The following TINAG variants were observed in gnomAD, a reference collection of about 807,000 sequenced individuals.
TINAG encodes tubulointerstitial nephritis antigen.
TINAG carries 83 observed loss-of-function variants against 72.7 expected under a neutral mutation model. The ratio of observed to expected loss-of-function variants is 1.14; its 90% CI spans 0.96 to 1.37. The LOEUF (loss-of-function observed/expected upper bound fraction) is 1.37, where lower values mean the gene tolerates loss of function less well. TINAG is among the 40% of genes most tolerant of loss of function. TINAG has a pLI of 0.00. For synonymous variants in TINAG, 234 were observed against 189.9 expected, an observed-to-expected ratio of 1.23 and a Z score of -1.91; for missense variants, 685 against 576.6, an observed-to-expected ratio of 1.19 and a Z score of -1.93.
At chr6:54,371,265 G>C (rs1763597955) in intron 9 of TINAG, among the ~76,000 whole-genome samples, 1 of 151,970 alleles carries the variant, frequency 6.6e-6, no homozygotes, top group Non-Finnish European at 1.5e-5. Flanking sequence ...TGCTAGTTCT[G>C]TCCTCGCTGG....
At chr6:54,346,708 C>T (rs951709706) in intron 5 of TINAG, among the ~76,000 whole-genome samples, 4 of 151,684 alleles carry the variant, frequency 2.6e-5, no homozygotes, top group African/African-American at 9.7e-5. Flanking sequence ...TCTACTAAAA[C>T]AAGATTAAGA....
chr6:54,340,060 T>G (rs1784961114), intron 4 of TINAG, among the ~76,000 whole-genome samples: 1 of 152,206 alleles, frequency 6.6e-6, no homozygotes, highest in Admixed American at 6.5e-5. Flanking sequence ...GATTTTAATT[T>G]AATTAAATGC....
intron 4 of TINAG, among the ~76,000 whole-genome samples, chr6:54,331,174 A>T (rs914674803): frequency 2.0e-5 from 3 of 152,192 alleles, no homozygotes; most frequent in Admixed American, 6.5e-5. Context: ...TTTCAGGGCA[A>T]TATCCCTGAT....
At position 54,328,973 on chromosome 6, in the gene TINAG, G is replaced by A. The variant is rs182673540; in HGVS notation, c.624+2057G>A. 5.3e-5 allele frequency among the ~76,000 whole-genome samples: 8 copies of A among 152,190 alleles called. No homozygotes were observed. The East Asian group carries it at 1.4e-3, about 26-fold the overall frequency. Reference sequence around the variant, plus strand: ...AAGCATCCAAGAAATATGGGACTATGTGAAAAGACCAAACCCACCTTTGGT... The same window carrying A: ...AAGCATCCAAGAAATATGGGACTATATGAAAAGACCAAACCCACCTTTGGT... On this transcript the variant is annotated intron_variant, in intron 4 of 10. Coordinates refer to ENST00000259782, the MANE Select transcript of TINAG (RefSeq NM_014464.4).
rs1464221225 is a variant in TINAG at position 54,380,513 on chromosome 6, T to C, written c.1251-13T>C. On this transcript the variant is annotated splice_polypyrimidine_tract_variant and intron_variant, in intron 9 of 10. Transcript: ENST00000259782. ...TTAACCATACCAATCTTTATTATTG[T>C]TATTAATTGTAGATGGGGCACACTG... 1 of 1,605,246 alleles carries C rather than the reference T, an allele frequency of 6.2e-7. No homozygotes were observed. Among genetic ancestry groups the C allele is most frequent in the Non-Finnish European group, 8.5e-7 (1 of 1,174,818 alleles).
intron 7 of TINAG, among the ~76,000 whole-genome samples, chr6:54,350,433 A>G (rs952311266): frequency 6.6e-6 from 1 of 151,788 alleles, no homozygotes; most frequent in Non-Finnish European, 1.5e-5. Context: ...CCAGAATACA[A>G]TTCGGTGTTC....
rs1040732956 is a variant in TINAG at position 54,357,798 on chromosome 6, G to A, written c.1250+3162G>A. 2.0e-4 allele frequency among the ~76,000 whole-genome samples: 31 copies of A among 151,738 alleles called. 1 individual carries two copies. Among genetic ancestry groups the A allele is most frequent in the African/African-American group, 7.3e-5 (3 of 41,356 alleles). ...AACAAATTTTACTGCATTGATCTTCGCTCCTTGACAGTCTAGTCTCAACAT... is the reference window on the plus strand; with the variant it reads ...AACAAATTTTACTGCATTGATCTTCACTCCTTGACAGTCTAGTCTCAACAT... On this transcript the variant is annotated intron_variant, in intron 9 of 10. Transcript: ENST00000259782.
At chr6:54,369,455 T>C (rs1386981344) in intron 9 of TINAG, among the ~76,000 whole-genome samples, 2 of 151,932 alleles carry the variant, frequency 1.3e-5, no homozygotes, top group East Asian at 3.9e-4. Flanking sequence ...ATAATCTCTA[T>C]ATGTATACTA....
intron 4 of TINAG, among the ~76,000 whole-genome samples, chr6:54,342,254 T>C (rs1019799835): frequency 2.6e-5 from 4 of 152,210 alleles, no homozygotes; most frequent in Admixed American, 6.5e-5. Context: ...TACAATTTAG[T>C]TGGCTTCTTG....
chr6:54,328,762 T>G (rs1011129369), intron 4 of TINAG, among the ~76,000 whole-genome samples: 1 of 151,600 alleles, frequency 6.6e-6, no homozygotes, highest in Non-Finnish European at 1.5e-5. Flanking sequence ...AATAACCAGT[T>G]GAGAGAAGAA....
chr6:54,320,704 A>C (rs758032961), intron 2 of TINAG, 62 bp downstream of exon 2: 15 of 1,378,488 alleles, frequency 1.1e-5, no homozygotes, highest in Non-Finnish European at 1.5e-5. Flanking sequence ...CTTCAAATAA[A>C]AGAAATATTT....
chr6:54,326,741 A>T lies in TINAG; in HGVS notation c.510-61A>T, dbSNP rs1002267205. On this transcript the variant is annotated intron_variant, in intron 3 of 10. Transcript: ENST00000259782. ...GAAATATAAAGGAAAATGTATTTAT[A>T]AAAGTGATGTCATATAACCTGTATA... 8 of 1,192,756 alleles carry T rather than the reference A, an allele frequency of 6.7e-6. No homozygotes were observed. In the African/African-American group the frequency reaches 1.1e-4, roughly 17 times the overall value. 73.9% of individuals were successfully genotyped at this position (1,192,756 alleles called of 1,614,324 possible).
chr6:54,347,829 A>G (rs1449563331), intron 6 of TINAG, among the ~76,000 whole-genome samples: 1 of 152,086 alleles, frequency 6.6e-6, no homozygotes, highest in African/African-American at 2.4e-5. Context: ...GGCAGAATAA[A>G]ATAATCAGGG....
At chr6:54,343,516 C>T (rs1317292135) in intron 5 of TINAG, among the ~76,000 whole-genome samples, 167 bp downstream of exon 5, 1 of 149,778 alleles carries the variant, frequency 6.7e-6, no homozygotes, top group Non-Finnish European at 1.5e-5. Context: ...TATAAAAAAT[C>T]CATTTTTAGT....
intron 10 of TINAG, among the ~76,000 whole-genome samples, chr6:54,385,314 A>C (rs933244025): frequency 6.6e-6 from 1 of 152,110 alleles, no homozygotes; most frequent in Non-Finnish European, 1.5e-5. Context: ...AAAAGAGAAC[A>C]TTGCTGCAGA....
chr6:54,373,845 C>A (rs559845421), intron 9 of TINAG, among the ~76,000 whole-genome samples: 1 of 152,226 alleles, frequency 6.6e-6, no homozygotes, highest in East Asian at 1.9e-4. Context: ...TTCCTAACAT[C>A]AAAGGGATAA....
At chr6:54,369,509 G>T (rs1365931590) in intron 9 of TINAG, among the ~76,000 whole-genome samples, 1 of 151,732 alleles carries the variant, frequency 6.6e-6, no homozygotes, top group African/African-American at 2.4e-5. Context: ...CAGGAGTTTT[G>T]AGCTAAAACA....
chr6:54,343,747 C>A (rs1030774315), intron 5 of TINAG, among the ~76,000 whole-genome samples: 5 of 149,144 alleles, frequency 3.4e-5, no homozygotes, highest in African/African-American at 1.3e-4. Context: ...ATATGATTTG[C>A]AAAAACAGTT....
chr6:54,342,126 G>A (rs993294966), intron 4 of TINAG, among the ~76,000 whole-genome samples: 27 of 151,724 alleles, frequency 1.8e-4, no homozygotes, highest in African/African-American at 5.1e-4. Flanking sequence ...TAAACAAATC[G>A]TTATTTGGTT....
Sources: allele counts gnomAD v4.1 joint callset (sites outside exome capture counted in the v4.1 genomes callset), GRCh38; gene constraint gnomAD v4.1.1; transcripts MANE v1.5; gene names NCBI Gene and HGNC (gene_info 2026-07-23, HGNC 2026-07-21).